The following ANK1 variants were observed in gnomAD, a reference collection of about 807,000 sequenced individuals.
ANK1 encodes ankyrin 1.
Under a neutral mutation model 210.4 loss-of-function variants are expected in ANK1, and 51 were observed. That is an observed-to-expected ratio of 0.24 (90% CI 0.19 to 0.31). The LOEUF (loss-of-function observed/expected upper bound fraction) is 0.31, where lower values mean the gene tolerates loss of function less well. Ranked by LOEUF, ANK1 falls within the 10% of genes least tolerant of loss-of-function variation. The pLI, the probability that ANK1 is intolerant of heterozygous loss-of-function variation, is 1.00. For missense variants in ANK1, 2,051 were observed against 2,504.4 expected (o/e 0.82, Z 3.86); for synonymous variants, 967 against 1,025.9 (o/e 0.94, Z 1.10).
At chr8:41,722,545 C>T (rs368834121) in intron 9 of ANK1, among the ~76,000 whole-genome samples, 16 of 152,162 alleles carry the variant, frequency 1.1e-4, no homozygotes, top group African/African-American at 3.4e-4. Flanking sequence ...GACTCGAGTC[C>T]TTATGTCAGA....
intron 1 of ANK1, among the ~76,000 whole-genome samples, chr8:41,780,944 G>A (rs1265358408): frequency 2.0e-5 from 3 of 152,008 alleles, no homozygotes; most frequent in African/African-American, 7.3e-5. Flanking sequence ...GGAGGATGCA[G>A]CTGGGGGTGG....
At chr8:41,852,605 C>T (rs760390574) in intron 1 of ANK1, among the ~76,000 whole-genome samples, 6 of 152,226 alleles carry the variant, frequency 3.9e-5, no homozygotes, top group Non-Finnish European at 7.4e-5. Flanking sequence ...ACTTATTGAG[C>T]ACCTGCTGTT....
At chr8:41,701,487 C>T in intron 22 of ANK1, 63 bp downstream of exon 22, 2 of 1,516,664 alleles carry the variant, frequency 1.3e-6, no homozygotes, top group Non-Finnish European at 1.8e-6. Context: ...GCAGGAAGCC[C>T]CCTTGGAGGG....
chr8:41,661,050 TC>T, intron 42 of ANK1: 2 of 262,614 alleles, frequency 7.6e-6, no homozygotes, highest in Non-Finnish European at 7.4e-6. Context: ...CTTTTTTTTT[TC>T]TTTTTTTTGT....
chr8:41,844,438 C>T (rs549933527), intron 1 of ANK1, among the ~76,000 whole-genome samples: 40 of 152,240 alleles, frequency 2.6e-4, no homozygotes, highest in South Asian at 8.3e-4. Flanking sequence ...CAACCTCCAT[C>T]GCCTGAGCCC....
rs73617320 is a variant in ANK1, at chr8:41,684,739, G to A, written c.4391-49C>T. On this transcript the variant is annotated intron_variant, in intron 36 of 42. Transcript: ENST00000289734. ...ACGTTACTCCAGGCCGGTGAGCGAGGATCACATGGGCTCAGAAAATGGGGC... is the reference window on the plus strand; with the variant it reads ...ACGTTACTCCAGGCCGGTGAGCGAGAATCACATGGGCTCAGAAAATGGGGC... 7,318 of 1,591,036 alleles carry A rather than the reference G, an allele frequency of 4.6e-3. 203 individuals are homozygous for A. In the African/African-American group the frequency reaches 0.06, roughly 13 times the overall value.
At chr8:41,701,497 G>A in intron 22 of ANK1, 53 bp downstream of exon 22, 1 of 1,568,646 alleles carries the variant, frequency 6.4e-7, no homozygotes, top group Non-Finnish European at 8.8e-7. Flanking sequence ...CCCTTGGAGG[G>A]TGCCCGGAGC....
At chr8:41,754,719 C>T (rs1475672425) in intron 2 of ANK1, among the ~76,000 whole-genome samples, 1 of 152,180 alleles carries the variant, frequency 6.6e-6, no homozygotes. Context: ...GATGCAGGAT[C>T]GTCCCGCTGG....
chr8:41,863,798 C>T (rs1459987518), intron 1 of ANK1, among the ~76,000 whole-genome samples: 1 of 152,128 alleles, frequency 6.6e-6, no homozygotes, highest in Non-Finnish European at 1.5e-5. Context: ...ACAGAGGCTC[C>T]CCTACCTCCC....
chr8:41,683,971 G>A (rs72638979), intron 37 of ANK1, among the ~76,000 whole-genome samples: 545 of 152,302 alleles, frequency 3.6e-3, no homozygotes, highest in Middle Eastern at 6.8e-3. Flanking sequence ...TGATAGAAAA[G>A]GGGGAGAGGA....
intron 8 of ANK1, 115 bp downstream of exon 8, chr8:41,723,420 C>T (rs1024225922): frequency 1.8e-5 from 24 of 1,306,180 alleles, no homozygotes; most frequent in African/African-American, 5.8e-5. Flanking sequence ...CAGGCGGCTC[C>T]GGGAGGCTGG....
At chr8:41,815,594 CA>C (rs1415369155) in intron 1 of ANK1, among the ~76,000 whole-genome samples, 1 of 151,800 alleles carries the variant, frequency 6.6e-6, no homozygotes, top group Non-Finnish European at 1.5e-5. Context: ...TTTCCCTCTA[CA>C]AAAAAAACCT....
chr8:41,663,110 C>CTGTGTGTGTG (rs1443923513), intron 40 of ANK1, among the ~76,000 whole-genome samples: 9 of 124,830 alleles, frequency 7.2e-5, no homozygotes, highest in African/African-American at 3.0e-4. Flanking sequence ...CTCTCTCTCT[C>CTGTGTGTGTG]TCTCTGTGTG....
chr8:41,704,053 G>T lies in ANK1; in HGVS notation c.2283C>A (p.Asn761Lys), dbSNP rs376046501. Residue 761 changes from asparagine to lysine, a missense_variant, in exon 20 of 43, where the codon AAC becomes AAA. Asn to Lys is a moderately conservative substitution (Grantham distance 94). This residue lies in a region of ANK1 where 1,413 missense variants were observed against 1,707.4 expected (regional missense o/e 0.83). Transcript: ENST00000289734. This position sits in a 1 kb window ranked among gnomAD's most constrained non-coding sequence, Gnocchi z 4.1. ...AGAGTGTACTCACCGAGCTGACCTC[G>T]TTTGGGGAAGCACCGTTTTTCAGAA... ...TLLLKNGASP[N>K]EVSSDGTTPL... 3 of 1,614,074 alleles carry T rather than the reference G, an allele frequency of 1.9e-6. No homozygotes were observed. The highest frequency in any genetic ancestry group is 1.7e-6 in the Non-Finnish European group (2 of 1,179,984).
chr8:41,714,718 G>A (rs1226393721), intron 15 of ANK1, among the ~76,000 whole-genome samples: 2 of 151,834 alleles, frequency 1.3e-5, no homozygotes, highest in Non-Finnish European at 1.5e-5. Context: ...TAAGTTAGCC[G>A]GGCACGGTGG....
chr8:41,726,815 C>A (rs1830811078), intron 5 of ANK1, among the ~76,000 whole-genome samples: 1 of 152,204 alleles, frequency 6.6e-6, no homozygotes, highest in South Asian at 2.1e-4. Flanking sequence ...CAAGAGACTC[C>A]TTGGCTCTAT....
At chr8:41,755,978 T>C (rs11787479) in intron 2 of ANK1, among the ~76,000 whole-genome samples, 77,665 of 151,888 alleles carry the variant, frequency 0.51, 20,632 homozygotes, top group Middle Eastern at 0.64. Flanking sequence ...TCTTTGCTTC[T>C]TATCACACAC....
At chr8:41,828,613 G>A (rs983396829) in intron 1 of ANK1, 2 of 154,316 alleles carry the variant, frequency 1.3e-5, no homozygotes, top group East Asian at 1.9e-4. Context: ...TCAGTTCCTG[G>A]AACAGTAGCA....
rs147827877 is a variant in ANK1, at chr8:41,662,494, C to G, written c.5479-553G>C. On this transcript the variant is annotated intron_variant, in intron 40 of 42. Coordinates refer to ENST00000289734, the MANE Select transcript of ANK1 (RefSeq NM_000037.4). ...AGGTGTGACTGGGTGTGACCTCCCC[C>G]TCGAGCCCACAGCCTTCTGTTTTGC... 4.9e-3 allele frequency among the ~76,000 whole-genome samples: 746 copies of G among 152,360 alleles called. 8 individuals are homozygous for G. The highest frequency in any genetic ancestry group is 8.7e-3 in the Admixed American group (133 of 15,306).
Sources: allele counts gnomAD v4.1 joint callset (sites outside exome capture counted in the v4.1 genomes callset), GRCh38; gene constraint gnomAD v4.1.1; regional missense constraint gnomAD v4.1.1; non-coding constraint Gnocchi (gnomAD v3.1); transcripts MANE v1.5; gene names NCBI Gene and HGNC (gene_info 2026-07-23, HGNC 2026-07-21).